PTPRT: variants seen among roughly 807,000 people sequenced by gnomAD.
The protein encoded by PTPRT is protein tyrosine phosphatase receptor type T, also known as receptor-type tyrosine-protein phosphatase T.
A neutral mutation model predicts 176.8 loss-of-function variants in PTPRT; 56 were observed. The ratio of observed to expected loss-of-function variants is 0.32; its 90% CI spans 0.26 to 0.40. The LOEUF is 0.40. Ranked by LOEUF, PTPRT falls within the 10% of genes least tolerant of loss-of-function variation. The pLI is 1.00. For synonymous variants in PTPRT, 783 were observed against 739.0 expected, an observed-to-expected ratio of 1.06 and a Z score of -0.96; for missense variants, 1,540 against 1,908.2, an observed-to-expected ratio of 0.81 and a Z score of 3.60.
chr20:42,663,974 G>GA (rs1158067904), intron 7 of PTPRT, among the ~76,000 whole-genome samples: 3 of 151,910 alleles, frequency 2.0e-5, no homozygotes, highest in African/African-American at 4.8e-5. Flanking sequence ...TATTTTGCTA[G>GA]AAAAAAAATT....
chr20:42,496,853 C>T (rs2071663764), intron 7 of PTPRT, among the ~76,000 whole-genome samples: 3 of 152,026 alleles, frequency 2.0e-5, no homozygotes, highest in Non-Finnish European at 2.9e-5. Context: ...CTCTTTATAC[C>T]GTTGACAATG....
chr20:42,451,746 T>C (rs1029814248), intron 8 of PTPRT, among the ~76,000 whole-genome samples: 3 of 152,110 alleles, frequency 2.0e-5, no homozygotes, highest in Non-Finnish European at 4.4e-5. Context: ...TTGAACCTAC[T>C]GTCCTCAAGG....
intron 2 of PTPRT, among the ~76,000 whole-genome samples, chr20:42,853,190 C>A (rs1172131480): frequency 6.6e-6 from 1 of 152,158 alleles, no homozygotes; most frequent in Non-Finnish European, 1.5e-5. Flanking sequence ...GAATCACCAT[C>A]TTAATCAAGA....
intron 3 of PTPRT, among the ~76,000 whole-genome samples, 188 bp from the exon 4 acceptor site, chr20:42,780,487 CTT>C (rs772682930): frequency 7.9e-5 from 12 of 152,166 alleles, no homozygotes; most frequent in Non-Finnish European, 1.5e-4. Context: ...AAAGGCCACA[CTT>C]TGGTGGCTAG....
At chr20:42,175,733 T>C (rs978928692) in intron 16 of PTPRT, among the ~76,000 whole-genome samples, 2 of 152,138 alleles carry the variant, frequency 1.3e-5, no homozygotes, top group African/African-American at 4.8e-5. Context: ...CAGTTAAATA[T>C]TGGGAGGAAA....
intron 1 of PTPRT, among the ~76,000 whole-genome samples, chr20:43,154,519 A>G (rs1290854490): frequency 6.6e-6 from 1 of 152,180 alleles, no homozygotes; most frequent in Non-Finnish European, 1.5e-5. Context: ...TGTGATTCCA[A>G]ACAAATTTTA....
intron 1 of PTPRT, among the ~76,000 whole-genome samples, chr20:43,068,789 T>C (rs984777308): frequency 2.6e-5 from 4 of 151,610 alleles, no homozygotes; most frequent in Non-Finnish European, 5.9e-5. Flanking sequence ...TCAAAGAAGG[T>C]ATAAGAAGAG....
the PTPRT span, among the ~76,000 whole-genome samples, chr20:42,050,253 C>T: frequency 6.6e-6 from 1 of 152,096 alleles, no homozygotes; most frequent in African/African-American, 2.4e-5. Flanking sequence ...TCCTGGGATC[C>T]TTCTGCTTGT....
chr20:42,171,188 G>C (rs1990065681), intron 16 of PTPRT, among the ~76,000 whole-genome samples: 1 of 152,090 alleles, frequency 6.6e-6, no homozygotes, highest in African/African-American at 2.4e-5. Flanking sequence ...TTTTCCAGAG[G>C]GTTGGGTAGC....
chr20:43,142,587 C>T (rs924570172), intron 1 of PTPRT, among the ~76,000 whole-genome samples: 1 of 148,626 alleles, frequency 6.7e-6, no homozygotes, highest in African/African-American at 2.4e-5. Context: ...AAAACCATCC[C>T]CCATCACATA....
chr20:42,724,748 T>C (rs2076353222), intron 6 of PTPRT, among the ~76,000 whole-genome samples: 1 of 152,182 alleles, frequency 6.6e-6, no homozygotes, highest in Non-Finnish European at 1.5e-5. Context: ...CAGTGAGCTA[T>C]CATCCTGCCA....
intron 15 of PTPRT, among the ~76,000 whole-genome samples, chr20:42,223,338 C>A (rs1198090192): frequency 6.6e-6 from 1 of 152,150 alleles, no homozygotes; most frequent in Non-Finnish European, 1.5e-5. Context: ...TTATTGTCCC[C>A]AATTTACAGA....
intron 10 of PTPRT, 126 bp downstream of exon 10, chr20:42,351,958 G>C: frequency 1.2e-6 from 1 of 815,390 alleles, no homozygotes; most frequent in Non-Finnish European, 2.0e-6. Flanking sequence ...AACTCACTAG[G>C]GACTGGATCG....
intron 15 of PTPRT, among the ~76,000 whole-genome samples, chr20:42,201,093 T>A (rs993228217): frequency 6.6e-6 from 1 of 152,156 alleles, no homozygotes; most frequent in South Asian, 2.1e-4. Flanking sequence ...GCTGGGCAGA[T>A]CACTTGAGCC....
intron 1 of PTPRT, among the ~76,000 whole-genome samples, chr20:43,012,121 C>G (rs1479311095): frequency 6.6e-6 from 1 of 152,196 alleles, no homozygotes; most frequent in Admixed American, 6.5e-5. Context: ...TGGGACTTCA[C>G]CTTGTGACCA....
chr20:43,040,952 A>G (rs1307171677), intron 1 of PTPRT, among the ~76,000 whole-genome samples: 3 of 152,200 alleles, frequency 2.0e-5, no homozygotes, highest in Non-Finnish European at 2.9e-5. Context: ...AGTGTTTCCC[A>G]AATTGTGGCA....
chr20:42,954,466 C>T (rs1981489129), intron 1 of PTPRT, among the ~76,000 whole-genome samples: 1 of 152,156 alleles, frequency 6.6e-6, no homozygotes, highest in Admixed American at 6.5e-5. Flanking sequence ...TACAGTTAAG[C>T]CATGACCTGA....
rs206682 is a variant in PTPRT at position 42,919,865 on chromosome 20, A to C, written c.89-33933T>G. 8.1e-3 allele frequency among the ~76,000 whole-genome samples: 1,241 copies of C among 152,290 alleles called. 20 individuals are homozygous for C. The highest frequency in any genetic ancestry group is 0.028 in the African/African-American group (1,173 of 41,558). Reference sequence around the variant, plus strand: ...TAGTGTGCATGAGATTTATTCAACAAAACATATTTTATCATGGGTGCCATA... The same window carrying C: ...TAGTGTGCATGAGATTTATTCAACACAACATATTTTATCATGGGTGCCATA... On this transcript the variant is annotated intron_variant, in intron 1 of 30. Coordinates refer to ENST00000373187, the MANE Select transcript of PTPRT (RefSeq NM_007050.6).
chr20:42,913,126 G>T (rs776359714), intron 1 of PTPRT, among the ~76,000 whole-genome samples: 3 of 152,148 alleles, frequency 2.0e-5, no homozygotes, highest in Non-Finnish European at 4.4e-5. Context: ...GATACAAAGT[G>T]CTTAAAAAGG....
Sources: gnomAD v4.1 joint callset for allele counts (sites outside exome capture counted in the v4.1 genomes callset) on GRCh38, gnomAD v4.1.1 for gene constraint, MANE v1.5 for transcripts, NCBI Gene and HGNC (gene_info 2026-07-23, HGNC 2026-07-21) for gene names.